ZNF609: variants seen among roughly 807,000 people sequenced by gnomAD.
ZNF609 encodes the protein zinc finger protein 609.
In ZNF609, 11 loss-of-function variants were observed where a neutral mutation model predicts 109.5. That is an observed-to-expected ratio of 0.10 (90% CI 0.06 to 0.17). The LOEUF is 0.17. ZNF609 is among the 10% of genes least tolerant of loss of function. The pLI is 1.00. For synonymous variants in ZNF609, 646 were observed against 662.0 expected (o/e 0.98, Z 0.37); for missense variants, 1,559 against 1,772.4 (o/e 0.88, Z 2.16).
chr15:64,609,124 CTTTCTT>C (rs756996107), intron 2 of ZNF609, among the ~76,000 whole-genome samples: 4,080 of 33,228 alleles, frequency 0.12, 79 homozygotes, highest in Non-Finnish European at 0.21. Context: ...TTCTTTCTTT[CTTTCTT>C]TTTTTCTTTC....
chr15:64,659,340 A>G (rs1017801425), intron 3 of ZNF609, among the ~76,000 whole-genome samples: 6 of 152,234 alleles, frequency 3.9e-5, no homozygotes, highest in Admixed American at 6.5e-5. Context: ...GTTAGTAGCT[A>G]TAGAATTTTT....
rs184910686 is a variant in ZNF609 at position 64,548,219 on chromosome 15, G to A, written c.747+48053G>A. ...TTACAAACACAAAGTAGGAAACAAA[G>A]GTCCTAGCCTTACCAAGTTGCATAA... On this transcript the variant is annotated intron_variant, in intron 2 of 9. Transcript: ENST00000326648. Among the ~76,000 whole-genome samples, 25 of 152,232 alleles carry A rather than the reference G, an allele frequency of 1.6e-4. No individual in the cohort carries two copies. The East Asian group carries it at 4.6e-3, about 28-fold the overall frequency.
rs185630109 is a variant in ZNF609 at position 64,464,855 on chromosome 15, A to G, written c.-128+4017A>G. On this transcript the variant is annotated intron_variant, in intron 1 of 9. Coordinates refer to ENST00000326648, the MANE Select transcript of ZNF609 (RefSeq NM_015042.2). ...GAGGGATTACTGAGCAGGTGGTTGA[A>G]GAATCACATGCCACAGTGACAAGAA... Among the ~76,000 whole-genome samples, 161 of 152,344 alleles carry G rather than the reference A, an allele frequency of 1.1e-3. 1 individual carries two copies. Among genetic ancestry groups the G allele is most frequent in the Admixed American group, 3.5e-3 (54 of 15,304 alleles).
At chr15:64,488,772 C>T (rs73452261) in intron 1 of ZNF609, among the ~76,000 whole-genome samples, 4 of 152,038 alleles carry the variant, frequency 2.6e-5, no homozygotes, top group African/African-American at 9.7e-5. Flanking sequence ...TTCCCTGAGA[C>T]TATGAATTTG....
At chr15:64,657,494 G>A (rs545230943) in intron 3 of ZNF609, among the ~76,000 whole-genome samples, 6 of 152,018 alleles carry the variant, frequency 3.9e-5, no homozygotes, top group Non-Finnish European at 8.8e-5. Flanking sequence ...CGTGCATGTA[G>A]TCCCAGCTAC....
chr15:64,627,860 A>G (rs929506850), intron 3 of ZNF609, among the ~76,000 whole-genome samples: 5 of 150,324 alleles, frequency 3.3e-5, no homozygotes, highest in East Asian at 2.0e-4. Flanking sequence ...GAGTCTTGCT[A>G]TGTTGTGCAG....
At chr15:64,656,621 A>G (rs1896492094) in intron 3 of ZNF609, among the ~76,000 whole-genome samples, 1 of 152,092 alleles carries the variant, frequency 6.6e-6, no homozygotes, top group African/African-American at 2.4e-5. Flanking sequence ...CACAGTTTGT[A>G]GTGCAGCATA....
intron 3 of ZNF609, among the ~76,000 whole-genome samples, chr15:64,636,596 C>T (rs1896180445): frequency 6.6e-6 from 1 of 152,254 alleles, no homozygotes; most frequent in Admixed American, 6.5e-5. Context: ...TGCATATTCT[C>T]ATTTATGAAG....
chr15:64,566,486 A>G (rs976901397), intron 2 of ZNF609, among the ~76,000 whole-genome samples: 40 of 152,316 alleles, frequency 2.6e-4, no homozygotes, highest in African/African-American at 9.6e-4. Context: ...AGGTACTTCA[A>G]AATATGTGTA....
intron 2 of ZNF609, among the ~76,000 whole-genome samples, chr15:64,599,179 T>TTTTG (rs1895453152): frequency 1.4e-5 from 2 of 147,580 alleles, no homozygotes; most frequent in African/African-American, 5.0e-5. Flanking sequence ...TTTTTTTTTT[T>TTTTG]TTTTTTTTTT....
At chr15:64,502,027 A>G (rs918476642) in intron 2 of ZNF609, 2 of 152,172 alleles carry the variant, frequency 1.3e-5, no homozygotes, top group East Asian at 3.8e-4. Flanking sequence ...GTCCCTTAAT[A>G]ATGTTGCTTT....
At chr15:64,524,331 C>G (rs1323884955) in intron 2 of ZNF609, among the ~76,000 whole-genome samples, 1 of 152,170 alleles carries the variant, frequency 6.6e-6, no homozygotes, top group Non-Finnish European at 1.5e-5. Flanking sequence ...TTTGGGAGGC[C>G]AAGGCAGGCA....
At position 64,680,777 on chromosome 15, in the gene ZNF609, C is replaced by G. The variant is rs1262217331; in HGVS notation, c.4077C>G (p.Ser1359=). The change falls in exon 8 of 10, where the codon TCC becomes TCG. Residue 1359 remains serine, a synonymous_variant. Transcript: ENST00000326648. ...RSVDRPRTSP[S]QRLMSTHHHH... is the part of the protein sequence containing the mutation. ...TTGACCGGCCCCGCACCTCTCCTTCCCAGCGCCTGATGTCCACACACCACC... is the reference window on the plus strand; with the variant it reads ...TTGACCGGCCCCGCACCTCTCCTTCGCAGCGCCTGATGTCCACACACCACC... 1 of 1,613,626 alleles carries G rather than the reference C, an allele frequency of 6.2e-7. No individual in the cohort carries two copies. Among genetic ancestry groups the G allele is most frequent in the Non-Finnish European group, 8.5e-7 (1 of 1,179,978 alleles).
chr15:64,494,517 C>T (rs915399917), intron 1 of ZNF609, among the ~76,000 whole-genome samples: 1 of 151,996 alleles, frequency 6.6e-6, no homozygotes, highest in Non-Finnish European at 1.5e-5. Context: ...CTGCACACAT[C>T]ATATACATAT....
At chr15:64,500,500 A>G (rs994200739) in intron 2 of ZNF609, 10 of 617,768 alleles carry the variant, frequency 1.6e-5, no homozygotes, top group Non-Finnish European at 2.9e-5. Flanking sequence ...TTGGCATCAG[A>G]CCTTTATTTG....
chr15:64,486,158 A>G (rs937493584), intron 1 of ZNF609, among the ~76,000 whole-genome samples: 1 of 152,186 alleles, frequency 6.6e-6, no homozygotes, highest in Non-Finnish European at 1.5e-5. Context: ...GGTACATTAT[A>G]TAATAACCTG....
chr15:64,641,149 G>T (rs1896247172), intron 3 of ZNF609, among the ~76,000 whole-genome samples: 1 of 148,796 alleles, frequency 6.7e-6, no homozygotes, highest in Non-Finnish European at 1.5e-5. Flanking sequence ...CTGAAATTCT[G>T]TTGAGAGAAA....
intron 1 of ZNF609, among the ~76,000 whole-genome samples, chr15:64,471,676 C>T (rs970511731): frequency 1.4e-4 from 22 of 152,002 alleles, no homozygotes; most frequent in Admixed American, 8.5e-4. Context: ...TTCCGCCTCC[C>T]GGTTTCAGGC....
chr15:64,603,901 A>C (rs1351310309), intron 2 of ZNF609, among the ~76,000 whole-genome samples: 1 of 150,098 alleles, frequency 6.7e-6, no homozygotes, highest in Non-Finnish European at 1.5e-5. Flanking sequence ...CGGGAGGCTG[A>C]GACAGAGAAT....
Sources: allele counts gnomAD v4.1 joint callset (sites outside exome capture counted in the v4.1 genomes callset), GRCh38; gene constraint gnomAD v4.1.1; transcripts MANE v1.5; gene names NCBI Gene and HGNC (gene_info 2026-07-23, HGNC 2026-07-21).